The following PHYHIPL variants were observed in gnomAD, a reference collection of about 807,000 sequenced individuals.
The protein encoded by PHYHIPL is phytanoyl-CoA 2-hydroxylase interacting protein like.
In PHYHIPL, 9 loss-of-function variants were observed where a neutral mutation model predicts 33.4. That is an observed-to-expected ratio of 0.27 (90% CI 0.16 to 0.47). The LOEUF (loss-of-function observed/expected upper bound fraction) is 0.47. Ranked by LOEUF, PHYHIPL falls within the 20% of genes least tolerant of loss-of-function variation. The probability of loss-of-function intolerance (pLI) is 0.99; values close to 1 mark genes in which losing one functional copy is unlikely to be tolerated. For synonymous variants in PHYHIPL, 153 were observed against 154.1 expected (o/e 0.99, Z 0.05); for missense variants, 365 against 460.7 (o/e 0.79, Z 1.90).
At chr10:59,212,487 G>T (rs892167582) in intron 1 of PHYHIPL, among the ~76,000 whole-genome samples, 10 of 152,238 alleles carry the variant, frequency 6.6e-5, no homozygotes, top group African/African-American at 2.4e-4. Context: ...ATCCCAGCAG[G>T]CATACTTCAA....
At chr10:59,177,448 C>T in intron 1 of PHYHIPL, 1 of 1,509,526 alleles carries the variant, frequency 6.6e-7, no homozygotes, top group South Asian at 1.3e-5. Flanking sequence ...ATTAACAAGT[C>T]TTTTTAGCCT....
At chr10:59,173,788 G>A (rs1037964474), upstream of PHYHIPL, among the ~76,000 whole-genome samples, 5 of 152,062 alleles carry the variant, frequency 3.3e-5, no homozygotes, top group Non-Finnish European at 7.3e-5. Context: ...GCTGGCTTTG[G>A]GGAAAAGGAA....
chr10:59,190,074 G>A (rs1838742849), intron 1 of PHYHIPL, among the ~76,000 whole-genome samples: 3 of 151,928 alleles, frequency 2.0e-5, no homozygotes, highest in South Asian at 2.1e-4. Flanking sequence ...AGTAAAAGTA[G>A]CATTTTATTG....
In PHYHIPL at chr10:59,236,465, T is replaced by C. The variant is rs199658187; in HGVS notation, c.304-18T>C. On this transcript the variant is annotated intron_variant, in intron 2 of 4. Transcript: ENST00000373880. ...TCTCCCCTCATTTTTCTCTCTCTCT[T>C]CCTTCTTTCATTCCTAGGATGTTCC... 98 of 1,498,824 alleles carry C rather than the reference T, an allele frequency of 6.5e-5. No individual in the cohort carries two copies. In the East Asian group the frequency reaches 1.5e-3, roughly 22 times the overall value. The allele number at this position is 1,498,824 out of a possible 1,614,324, so 92.8% of individuals were successfully genotyped here. A position where few individuals can be genotyped will look rare whatever the true frequency, so the allele number is the denominator to read the frequency against.
chr10:59,181,154 C>T (rs1212196515), intron 1 of PHYHIPL, among the ~76,000 whole-genome samples: 1 of 152,112 alleles, frequency 6.6e-6, no homozygotes, highest in Admixed American at 6.5e-5. Flanking sequence ...GCATTACTTT[C>T]ATAGAATTTA....
chr10:59,243,444 G>GA (rs1406056490), intron 4 of PHYHIPL, among the ~76,000 whole-genome samples: 4 of 152,092 alleles, frequency 2.6e-5, no homozygotes, highest in Non-Finnish European at 5.9e-5. Flanking sequence ...ACATCAGAAA[G>GA]AAAAAAGCAC....
In PHYHIPL at chr10:59,176,808, G is replaced by C; in HGVS notation, c.-46G>C. On this transcript the variant is annotated 5_prime_UTR_variant, in exon 1 of 5. Coordinates refer to ENST00000373880, the MANE Select transcript of PHYHIPL (RefSeq NM_032439.4). ...TCTTCTTGCCCACCCGGCCGGCAGAGAGAGCCTGGATACGAAGCAGGCGGG... is the reference window on the plus strand; with the variant it reads ...TCTTCTTGCCCACCCGGCCGGCAGACAGAGCCTGGATACGAAGCAGGCGGG... The C allele has an allele frequency of 6.5e-7, 1 of 1,549,856 alleles. No homozygotes were observed. Among genetic ancestry groups the C allele is most frequent in the Non-Finnish European group, 8.8e-7 (1 of 1,136,390 alleles).
intron 1 of PHYHIPL, among the ~76,000 whole-genome samples, chr10:59,179,212 A>G (rs1420661568): frequency 6.6e-6 from 1 of 152,178 alleles, no homozygotes; most frequent in Non-Finnish European, 1.5e-5. Flanking sequence ...AAATTTGTCA[A>G]ACAGACCTTA....
At chr10:59,194,434 T>C (rs545698490) in intron 1 of PHYHIPL, among the ~76,000 whole-genome samples, 1 of 152,334 alleles carries the variant, frequency 6.6e-6, no homozygotes, top group African/African-American at 2.4e-5. Context: ...TCTAATATGA[T>C]AATATTTTAA....
At chr10:59,227,398 T>G (rs2133271317) in intron 1 of PHYHIPL, among the ~76,000 whole-genome samples, 1 of 152,230 alleles carries the variant, frequency 6.6e-6, no homozygotes, top group South Asian at 2.1e-4. Flanking sequence ...GGGTGAGAAC[T>G]CACTCCCATG....
intron 1 of PHYHIPL, among the ~76,000 whole-genome samples, chr10:59,212,686 G>C (rs748923558): frequency 1.3e-5 from 2 of 152,216 alleles, no homozygotes; most frequent in African/African-American, 4.8e-5. Context: ...TTGGGGAAGA[G>C]AGTGGTGGGA....
intron 2 of PHYHIPL, among the ~76,000 whole-genome samples, chr10:59,235,293 T>C (rs1840190254): frequency 6.6e-6 from 1 of 151,902 alleles, no homozygotes; most frequent in African/African-American, 2.4e-5. Flanking sequence ...CTGATATTTA[T>C]TCACATATCA....
intron 1 of PHYHIPL, among the ~76,000 whole-genome samples, chr10:59,229,430 G>T (rs928061950): frequency 5.9e-5 from 9 of 152,160 alleles, no homozygotes; most frequent in African/African-American, 2.2e-4. Flanking sequence ...AGTAGTGTTT[G>T]TTTAAAATCG....
rs190245930 is a variant in PHYHIPL at position 59,236,735 on chromosome 10, G to A, written c.478+78G>A. The A allele has an allele frequency of 2.3e-6, 3 of 1,284,330 alleles. No individual in the cohort carries two copies. In the Admixed American group the frequency reaches 8.5e-5, roughly 36 times the overall value. The allele number at this position is 1,284,330 out of a possible 1,614,324, so 79.6% of individuals were successfully genotyped here. On this transcript the variant is annotated intron_variant, in intron 3 of 4. Coordinates refer to ENST00000373880, the MANE Select transcript of PHYHIPL (RefSeq NM_032439.4). ...AATTATAGAAAAATATTTCTTTTTT[G>A]TAATTATAAAGTGATATATGTGACA...
At chr10:59,211,402 G>A (rs1265757571) in intron 1 of PHYHIPL, among the ~76,000 whole-genome samples, 11 of 151,942 alleles carry the variant, frequency 7.2e-5, no homozygotes, top group African/African-American at 2.7e-4. Context: ...TTGAGATGGA[G>A]TTTCACTCTT....
At chr10:59,184,285 C>T (rs555932026) in intron 1 of PHYHIPL, among the ~76,000 whole-genome samples, 1 of 152,278 alleles carries the variant, frequency 6.6e-6, no homozygotes, top group Admixed American at 6.5e-5. Context: ...AACAACAGGG[C>T]TGAGTAGCTG....
At chr10:59,195,445 A>C (rs1183686952) in intron 1 of PHYHIPL, among the ~76,000 whole-genome samples, 1 of 152,222 alleles carries the variant, frequency 6.6e-6, no homozygotes, top group East Asian at 1.9e-4. Flanking sequence ...ATGGAGAAGT[A>C]TAATTGGAAG....
intron 1 of PHYHIPL, among the ~76,000 whole-genome samples, chr10:59,208,146 G>A (rs1419099812): frequency 6.6e-6 from 1 of 152,120 alleles, no homozygotes; most frequent in Non-Finnish European, 1.5e-5. Flanking sequence ...TCCCAGCAGG[G>A]GTCAACAGAC....
chr10:59,192,344 C>A (rs750075397), intron 1 of PHYHIPL, among the ~76,000 whole-genome samples: 1 of 152,206 alleles, frequency 6.6e-6, no homozygotes, highest in Non-Finnish European at 1.5e-5. Flanking sequence ...ATCACCTAGA[C>A]GGCTTACTAA....
Sources: allele counts gnomAD v4.1 joint callset (sites outside exome capture counted in the v4.1 genomes callset), GRCh38; gene constraint gnomAD v4.1.1; transcripts MANE v1.5; gene names NCBI Gene and HGNC (gene_info 2026-07-23, HGNC 2026-07-21).